Variants in FARP1 observed in about 807,000 individuals in gnomAD.
FARP1 encodes FERM, ARH/RhoGEF and pleckstrin domain protein 1.
A neutral mutation model predicts 128.8 loss-of-function variants in FARP1; 52 were observed. The observed-to-expected ratio is 0.40, with a 90% CI of 0.32 to 0.51. The LOEUF (loss-of-function observed/expected upper bound fraction) is 0.51, where lower values mean the gene tolerates loss of function less well. Ranked by LOEUF, FARP1 falls within the 20% of genes least tolerant of loss-of-function variation. FARP1 has a pLI of 0.45. For missense variants in FARP1, 1,333 were observed against 1,367.9 expected (o/e 0.97, Z 0.40); for synonymous variants, 580 against 551.8 (o/e 1.05, Z -0.72).
chr13:98,417,455 GAAAAAA>G (rs869304302), intron 16 of FARP1, among the ~76,000 whole-genome samples: 49 of 58,478 alleles, frequency 8.4e-4, no homozygotes, highest in East Asian at 2.1e-3. Flanking sequence ...CCAGAGGTTT[GAAAAAA>G]AAAAAAAAAA....
intron 2 of FARP1, among the ~76,000 whole-genome samples, chr13:98,229,408 T>G (rs1207704303): frequency 2.0e-5 from 3 of 152,232 alleles, no homozygotes; most frequent in Non-Finnish European, 4.4e-5. Flanking sequence ...TATATTTTAT[T>G]TACAACATGA....
chr13:98,189,798 G>A (rs1180358268), intron 1 of FARP1, among the ~76,000 whole-genome samples: 1 of 152,094 alleles, frequency 6.6e-6, no homozygotes, highest in Non-Finnish European at 1.5e-5. Flanking sequence ...AGTTATAGAT[G>A]GTGTATTATC....
intron 2 of FARP1, among the ~76,000 whole-genome samples, chr13:98,321,211 C>T (rs1159196836): frequency 2.0e-5 from 3 of 150,844 alleles, no homozygotes; most frequent in Non-Finnish European, 4.4e-5. Context: ...ATGGAGGATC[C>T]CACTCTCTCT....
chr13:98,232,291 ACTG>A (rs1882178678), intron 2 of FARP1, among the ~76,000 whole-genome samples: 1 of 151,934 alleles, frequency 6.6e-6, no homozygotes, highest in Non-Finnish European at 1.5e-5. Flanking sequence ...TTGAAGGAGA[ACTG>A]CTGGTATTTA....
At chr13:98,432,064 C>T (rs1892053945) in intron 18 of FARP1, 1 of 152,234 alleles carries the variant, frequency 6.6e-6, no homozygotes, top group African/African-American at 2.4e-5. Context: ...TCCCAAGCCT[C>T]AGGCACAGGT....
intron 2 of FARP1, among the ~76,000 whole-genome samples, chr13:98,313,271 ACACT>A (rs923266129): frequency 1.3e-5 from 2 of 148,406 alleles, no homozygotes; most frequent in Non-Finnish European, 3.0e-5. Context: ...ACACACACAC[ACACT>A]CTGGAATCGG....
chr13:98,152,467 A>G (rs1333878096), intron 1 of FARP1, among the ~76,000 whole-genome samples: 1 of 152,190 alleles, frequency 6.6e-6, no homozygotes, highest in African/African-American at 2.4e-5. Flanking sequence ...CACAGCAGCC[A>G]TGTTTTTACT....
At chr13:98,236,029 T>A (rs1467211203) in intron 2 of FARP1, among the ~76,000 whole-genome samples, 1 of 152,108 alleles carries the variant, frequency 6.6e-6, no homozygotes, top group Non-Finnish European at 1.5e-5. Flanking sequence ...TCTCCATGTT[T>A]GTCAGGCTGG....
Position 98,176,446 on chromosome 13 carries a change from T to G in FARP1, c.-24+32954T>G. 1 of 1,614,240 alleles carries G rather than the reference T, an allele frequency of 6.2e-7. No homozygotes were observed. The highest frequency in any genetic ancestry group is 1.3e-5 in the African/African-American group (1 of 75,070). Reference sequence around the variant, plus strand: ...CCTGCACTTGGTGACGACTGGGTTTTGGAAGGCCTGGCGACATATGAAACA... The same window carrying G: ...CCTGCACTTGGTGACGACTGGGTTTGGGAAGGCCTGGCGACATATGAAACA... On this transcript the variant is annotated intron_variant, in intron 1 of 26. Transcript: ENST00000319562. The surrounding 1 kb of genome is among the most constrained non-coding windows in gnomAD (Gnocchi z 6.2).
At chr13:98,380,740 A>AT (rs1435607231) in intron 6 of FARP1, among the ~76,000 whole-genome samples, 2 of 151,840 alleles carry the variant, frequency 1.3e-5, no homozygotes, top group African/African-American at 4.8e-5. Context: ...GGTCTAGCTA[A>AT]TTTTTTCTTT....
In FARP1 at chr13:98,410,753, C is replaced by T. The variant is rs1265266786; in HGVS notation, c.1622C>T (p.Ala541Val). 6.3e-6 allele frequency: 10 copies of T among 1,599,714 alleles called. 1 individual carries two copies. Among genetic ancestry groups the T allele is most frequent in the South Asian group, 5.6e-5 (5 of 89,672 alleles). Residue 541 changes from alanine to valine, a missense_variant, in exon 15 of 27, where the codon GCG (alanine) becomes GTG (valine). Physicochemically the swap from Ala to Val is moderately conservative, Grantham distance 64. Coordinates refer to ENST00000319562, the MANE Select transcript of FARP1 (RefSeq NM_005766.4). ...GRRKRFPTDKAYFIAKEVSTT... is the reference protein window; with the variant it reads ...GRRKRFPTDKVYFIAKEVSTT... Reference sequence around the variant, plus strand: ...TTGCAGAGATTCCCAACTGATAAAGCGTACTTCATAGCTAAGGAAGTGTCT... The same window carrying T: ...TTGCAGAGATTCCCAACTGATAAAGTGTACTTCATAGCTAAGGAAGTGTCT...
intron 2 of FARP1, among the ~76,000 whole-genome samples, chr13:98,256,148 A>T (rs1253795229): frequency 6.6e-6 from 1 of 152,258 alleles, no homozygotes; most frequent in Admixed American, 6.5e-5. Flanking sequence ...TTAATGATCA[A>T]AGAAAATCAT....
At chr13:98,342,528 A>G (rs1888013780) in intron 2 of FARP1, among the ~76,000 whole-genome samples, 1 of 151,716 alleles carries the variant, frequency 6.6e-6, no homozygotes, top group African/African-American at 2.4e-5. Flanking sequence ...GTGAAACCCC[A>G]TCTCTACTAA....
At chr13:98,389,278 G>A (rs1202929118) in intron 9 of FARP1, among the ~76,000 whole-genome samples, 1 of 152,156 alleles carries the variant, frequency 6.6e-6, no homozygotes, top group Non-Finnish European at 1.5e-5. Flanking sequence ...TTGTAAGTTG[G>A]GTCCACCCAA....
chr13:98,340,080 G>GT (rs35285197), intron 2 of FARP1, among the ~76,000 whole-genome samples: 19,457 of 146,614 alleles, frequency 0.13, 1,487 homozygotes, highest in East Asian at 0.24. Context: ...CTGTATATTA[G>GT]TTTTTTTTTT....
intron 1 of FARP1, among the ~76,000 whole-genome samples, chr13:98,156,515 C>T (rs1400364437): frequency 6.6e-6 from 1 of 152,160 alleles, no homozygotes; most frequent in Non-Finnish European, 1.5e-5. Context: ...TCATATGATC[C>T]TCCCACTCCA....
chr13:98,256,948 GA>G lies in FARP1; in HGVS notation c.171+43536del, dbSNP rs1883627301. Among the ~76,000 whole-genome samples, 149 of 77,096 alleles carry G rather than the reference GA, an allele frequency of 1.9e-3. 5 individuals carry two copies. Among genetic ancestry groups the G allele is most frequent in the Non-Finnish European group, 3.2e-3 (120 of 37,092 alleles). The allele number at this position is 77,096 out of a possible 152,430, so 50.6% of individuals were successfully genotyped here. A position where few individuals can be genotyped will look rare whatever the true frequency, so the allele number is the denominator to read the frequency against. On this transcript the variant is annotated intron_variant, in intron 2 of 26. Transcript: ENST00000319562. ...CAATAATTTTCAAAGTATATATGTGGATATATATATATATATATATATATAT... is the reference window on the plus strand; with the variant it reads ...CAATAATTTTCAAAGTATATATGTGGTATATATATATATATATATATATAT...
chr13:98,347,304 A>T (rs752948563), intron 3 of FARP1, among the ~76,000 whole-genome samples: 14 of 152,200 alleles, frequency 9.2e-5, no homozygotes, highest in Non-Finnish European at 1.8e-4. Flanking sequence ...ACCATTTGTA[A>T]GTGTGTAGTT....
intron 6 of FARP1, among the ~76,000 whole-genome samples, chr13:98,378,977 CTATATATAA>C (rs1487445510): frequency 1.8e-5 from 1 of 54,266 alleles, no homozygotes; most frequent in South Asian, 5.9e-4. Context: ...AATATATAAT[CTATATATAA>C]TATATATATA....
Sources: gnomAD v4.1 joint callset for allele counts (sites outside exome capture counted in the v4.1 genomes callset) on GRCh38, gnomAD v4.1.1 for gene constraint, Gnocchi (gnomAD v3.1) non-coding constraint, MANE v1.5 for transcripts, NCBI Gene and HGNC (gene_info 2026-07-23, HGNC 2026-07-21) for gene names.